PTPRD: variants seen among roughly 807,000 people sequenced by gnomAD.
PTPRD encodes the protein protein tyrosine phosphatase receptor type D.
Under a neutral mutation model 214.5 loss-of-function variants are expected in PTPRD, and 34 were observed. The observed-to-expected ratio is 0.16, with a 90% CI of 0.12 to 0.21. The LOEUF (loss-of-function observed/expected upper bound fraction) is 0.21. Among genes scored for constraint, PTPRD ranks in the 10% least tolerant of loss-of-function variants. The pLI is 1.00. For synonymous variants in PTPRD, 1,128 were observed against 845.7 expected (o/e 1.33, Z -5.79); for missense variants, 2,545 against 2,398.7 (o/e 1.06, Z -1.27).
At chr9:9,914,618 G>T (rs532987279) in intron 5 of PTPRD, among the ~76,000 whole-genome samples, 28 of 152,196 alleles carry the variant, frequency 1.8e-4, no homozygotes, top group Non-Finnish European at 3.8e-4. Flanking sequence ...TGTTTACCGC[G>T]CCTGTGTTCT....
rs938044416 is a variant in PTPRD at position 8,841,994 on chromosome 9, G to T, written c.-103-108048C>A. On this transcript the variant is annotated intron_variant, in intron 11 of 45. Transcript: ENST00000381196. ...CCACTGCACTCCAGCCTGGGCAATA[G>T]AGCGAGACACAGTCTCAAAAAAAAA... is the stretch of plus-strand genomic sequence containing the variant. Among the ~76,000 whole-genome samples, 8 of 133,572 alleles carry T rather than the reference G, an allele frequency of 6.0e-5. No individual in the cohort carries two copies. In the South Asian group the frequency reaches 2.0e-3, roughly 33 times the overall value. 87.6% of individuals were successfully genotyped at this position (133,572 alleles called of 152,430 possible).
intron 5 of PTPRD, among the ~76,000 whole-genome samples, chr9:9,776,720 T>A (rs1237065816): frequency 6.6e-6 from 1 of 152,238 alleles, no homozygotes; most frequent in Non-Finnish European, 1.5e-5. Context: ...ACTTTTCCTT[T>A]ACTTTAAAAT....
chr9:9,979,193 AGAGT>A (rs1303411889), intron 4 of PTPRD, among the ~76,000 whole-genome samples: 1 of 152,122 alleles, frequency 6.6e-6, no homozygotes, highest in Non-Finnish European at 1.5e-5. Flanking sequence ...ATACAAAGAA[AGAGT>A]GTCAAAAATG....
At chr9:8,800,893 T>C (rs1433331466) in intron 11 of PTPRD, among the ~76,000 whole-genome samples, 1 of 152,138 alleles carries the variant, frequency 6.6e-6, no homozygotes, top group Admixed American at 6.6e-5. Context: ...AAAATAATAT[T>C]GGTAAAAATT....
In PTPRD at chr9:8,929,897, A is replaced by ATG. The variant is rs1422892494; in HGVS notation, c.-104+88798_-104+88799dup. 7.7e-4 allele frequency among the ~76,000 whole-genome samples: 81 copies of ATG among 105,718 alleles called. 9 individuals carry two copies. Among genetic ancestry groups the ATG allele is most frequent in the African/African-American group, 1.1e-3 (33 of 30,670 alleles). The allele number at this position is 105,718 out of a possible 152,430, so 69.4% of individuals were successfully genotyped here. ...TGTGTATATATGTGTGTGTATATAT[A>ATG]TGTGTATATATATGTGTGTGTATAT... On this transcript the variant is annotated intron_variant, in intron 11 of 45. Transcript: ENST00000381196.
At chr9:9,687,144 A>G (rs1191324270) in intron 7 of PTPRD, among the ~76,000 whole-genome samples, 2 of 151,838 alleles carry the variant, frequency 1.3e-5, no homozygotes, top group African/African-American at 2.4e-5. Flanking sequence ...TAAACAAAAC[A>G]TATAGATCTA....
intron 10 of PTPRD, among the ~76,000 whole-genome samples, chr9:9,049,137 C>G (rs1189967406): frequency 6.6e-6 from 1 of 152,148 alleles, no homozygotes; most frequent in East Asian, 1.9e-4. Context: ...TTTTTGCTTC[C>G]TTGTAAAACC....
At chr9:9,626,052 G>T (rs913194688) in intron 7 of PTPRD, among the ~76,000 whole-genome samples, 2 of 152,134 alleles carry the variant, frequency 1.3e-5, no homozygotes, top group Non-Finnish European at 2.9e-5. Context: ...GTTACAACTG[G>T]ACTTTACTTG....
chr9:9,819,367 G>T (rs901768397), intron 5 of PTPRD, among the ~76,000 whole-genome samples: 1 of 152,258 alleles, frequency 6.6e-6, no homozygotes, highest in East Asian at 1.9e-4. Context: ...GAACTTTGGC[G>T]GAGGTTTAAT....
At chr9:9,908,079 C>CA (rs147778757) in intron 5 of PTPRD, among the ~76,000 whole-genome samples, 1,611 of 149,398 alleles carry the variant, frequency 0.011, 26 homozygotes, top group African/African-American at 0.037. Context: ...AACATTAAGA[C>CA]AAAAAAAAAA....
chr9:8,602,879 T>C (rs1304369737), intron 14 of PTPRD, among the ~76,000 whole-genome samples: 1 of 152,240 alleles, frequency 6.6e-6, no homozygotes, highest in Admixed American at 6.5e-5. Flanking sequence ...TGCACCTGCA[T>C]ATACTCATTC....
At chr9:10,064,029 TCA>T (rs1442109771) in intron 3 of PTPRD, among the ~76,000 whole-genome samples, 1 of 151,982 alleles carries the variant, frequency 6.6e-6, no homozygotes. Context: ...TGTTTTTTTT[TCA>T]GAGTACTTTT....
intron 11 of PTPRD, among the ~76,000 whole-genome samples, chr9:8,795,189 G>A (rs1362537746): frequency 6.6e-6 from 1 of 151,852 alleles, no homozygotes; most frequent in Non-Finnish European, 1.5e-5. Context: ...TTTTTGAGAT[G>A]AGTCTCACTC....
At chr9:10,548,943 C>A (rs537584339) in intron 2 of PTPRD, among the ~76,000 whole-genome samples, 11 of 152,198 alleles carry the variant, frequency 7.2e-5, no homozygotes, top group Non-Finnish European at 1.0e-4. Flanking sequence ...ACCATTAAAT[C>A]GCAAAGGAAA....
At chr9:9,186,445 A>G (rs918805857) in intron 9 of PTPRD, among the ~76,000 whole-genome samples, 1 of 152,044 alleles carries the variant, frequency 6.6e-6, no homozygotes, top group Non-Finnish European at 1.5e-5. Context: ...TCCCATTTCT[A>G]CAAAAAATAC....
intron 3 of PTPRD, among the ~76,000 whole-genome samples, chr9:10,162,551 G>T (rs1388948454): frequency 1.3e-5 from 2 of 150,482 alleles, no homozygotes; most frequent in Non-Finnish European, 3.0e-5. Flanking sequence ...AAAGGGTAGA[G>T]AGTAGAAGGG....
At chr9:9,785,655 C>T (rs1300996815) in intron 5 of PTPRD, among the ~76,000 whole-genome samples, 2 of 151,920 alleles carry the variant, frequency 1.3e-5, no homozygotes, top group African/African-American at 2.4e-5. Flanking sequence ...AAATGCAATT[C>T]GACATAGTAA....
At chr9:9,432,047 T>TATA (rs373767588) in intron 8 of PTPRD, among the ~76,000 whole-genome samples, 10,306 of 138,286 alleles carry the variant, frequency 0.075, 502 homozygotes, top group East Asian at 0.21. Context: ...GAACTTAAAG[T>TATA]ATAATAATAA....
chr9:10,244,456 T>C (rs538391833), intron 3 of PTPRD, among the ~76,000 whole-genome samples: 53 of 152,226 alleles, frequency 3.5e-4, no homozygotes, highest in African/African-American at 1.2e-3. Flanking sequence ...GAGGTCCAAC[T>C]GACCACATTT....
Sources: gnomAD v4.1 joint callset for allele counts (sites outside exome capture counted in the v4.1 genomes callset) on GRCh38, gnomAD v4.1.1 for gene constraint, MANE v1.5 for transcripts, NCBI Gene and HGNC (gene_info 2026-07-23, HGNC 2026-07-21) for gene names.